CCDC171: variants seen among roughly 807,000 people sequenced by gnomAD.
CCDC171 encodes the protein coiled-coil domain-containing protein 171.
A neutral mutation model predicts 168.2 loss-of-function variants in CCDC171; 177 were observed. The observed-to-expected ratio is 1.05, with a 90% CI of 0.93 to 1.19. The LOEUF is 1.19. Ranked by LOEUF, CCDC171 falls within the 50% of genes most tolerant of loss-of-function variation. The pLI, the probability that CCDC171 is intolerant of heterozygous loss-of-function variation, is 0.00. For synonymous variants in CCDC171, 687 were observed against 540.8 expected, an observed-to-expected ratio of 1.27 and a Z score of -3.75; for missense variants, 1,991 against 1,539.0, an observed-to-expected ratio of 1.29 and a Z score of -4.91.
At chr9:15,637,569 T>G (rs1379497005) in intron 7 of CCDC171, among the ~76,000 whole-genome samples, 1 of 151,366 alleles carries the variant, frequency 6.6e-6, no homozygotes. Flanking sequence ...GCTGCACCCA[T>G]TAACTCGTCA....
chr9:15,602,632 C>CTTTTTTTTTTTTTTTT (rs1050799184), intron 6 of CCDC171, among the ~76,000 whole-genome samples: 2 of 30,996 alleles, frequency 6.5e-5, no homozygotes, highest in African/African-American at 1.9e-4. Context: ...TTTCTCATTT[C>CTTTTTTTTTTTTTTTT]TTTTTTTTTT....
At chr9:16,072,937 A>C in the CCDC171 span, among the ~76,000 whole-genome samples, 2 of 152,230 alleles carry the variant, frequency 1.3e-5, no homozygotes, top group Non-Finnish European at 2.9e-5. Context: ...CTATTTCTTG[A>C]ATAAATTAAT....
intron 19 of CCDC171, among the ~76,000 whole-genome samples, chr9:15,778,371 G>C (rs576298287): frequency 5.7e-5 from 8 of 140,032 alleles, no homozygotes; most frequent in South Asian, 2.3e-4. Context: ...AGGCGCGGTG[G>C]CTGATGCCTG....
intron 16 of CCDC171, among the ~76,000 whole-genome samples, chr9:15,740,710 G>T (rs973073216): frequency 6.6e-6 from 1 of 152,184 alleles, no homozygotes; most frequent in African/African-American, 2.4e-5. Flanking sequence ...AAAGTGCTGG[G>T]ATTACAGGCA....
At chr9:15,765,095 G>A (rs972407353) in intron 18 of CCDC171, among the ~76,000 whole-genome samples, 6 of 152,212 alleles carry the variant, frequency 3.9e-5, no homozygotes, top group African/African-American at 1.4e-4. Flanking sequence ...AGGTGAATAT[G>A]ATGAGAATTG....
intron 25 of CCDC171, among the ~76,000 whole-genome samples, chr9:15,946,823 A>G (rs1011256778): frequency 1.3e-5 from 2 of 152,030 alleles, no homozygotes; most frequent in African/African-American, 4.8e-5. Context: ...TTTGATGGGC[A>G]TTTTTGTACC....
chr9:15,632,341 A>G lies in CCDC171; in HGVS notation c.822+8928A>G, dbSNP rs563053596. On this transcript the variant is annotated intron_variant, in intron 7 of 25. Transcript: ENST00000380701. ...AGCAAAGTCTCAGGATACAAAATCA[A>G]TGTACAAAAATCACAAGCATTCTTA... Among the ~76,000 whole-genome samples, 342 of 152,112 alleles carry G rather than the reference A, an allele frequency of 2.2e-3. 2 individuals are homozygous for G. Among genetic ancestry groups the G allele is most frequent in the African/African-American group, 7.8e-3 (325 of 41,530 alleles).
the CCDC171 span, among the ~76,000 whole-genome samples, chr9:16,102,241 T>C: frequency 6.6e-6 from 1 of 152,116 alleles, no homozygotes; most frequent in Non-Finnish European, 1.5e-5. Flanking sequence ...TCTGTTTTGG[T>C]GTCCGTGTCC....
In CCDC171 at chr9:15,971,637, C is replaced by A; in HGVS notation, c.3782C>A (p.Ser1261Tyr). 6.2e-7 allele frequency: 1 copy of A among 1,613,382 alleles called. No homozygotes were observed. The highest frequency in any genetic ancestry group is 1.1e-5 in the South Asian group (1 of 91,060). Reference sequence around the variant, plus strand: ...GGATCACGAGACCATTCAAATCTCTCCATTCCTTCAAGAGCTCCTCTTCCT... The same window carrying A: ...GGATCACGAGACCATTCAAATCTCTACATTCCTTCAAGAGCTCCTCTTCCT... ...SIGSRDHSNLSIPSRAPLPAD... is the reference protein window; with the variant it reads ...SIGSRDHSNLYIPSRAPLPAD... Residue 1261 changes from serine to tyrosine, a missense_variant, in exon 26 of 26, where the codon TCC becomes TAC. Physicochemically the swap from Ser to Tyr is moderately radical, Grantham distance 144. Transcript: ENST00000380701.
At chr9:16,059,756 C>T (rs998282997) in intron 1 of CCDC171, among the ~76,000 whole-genome samples, 34 of 151,122 alleles carry the variant, frequency 2.2e-4, no homozygotes, top group Non-Finnish European at 1.2e-4. Context: ...CCTCATGATC[C>T]ACCCGCCTCG....
chr9:15,865,348 TAC>T (rs1017007432), intron 23 of CCDC171, among the ~76,000 whole-genome samples: 2 of 150,638 alleles, frequency 1.3e-5, no homozygotes, highest in Non-Finnish European at 3.0e-5. Context: ...TACATATATA[TAC>T]ACACACACAT....
downstream of CCDC171, among the ~76,000 whole-genome samples, chr9:16,063,324 G>T (rs1228123141): frequency 6.6e-6 from 1 of 152,158 alleles, no homozygotes; most frequent in Non-Finnish European, 1.5e-5. Context: ...GGTGGGGACA[G>T]GCTTGCCACG....
intron 10 of CCDC171, among the ~76,000 whole-genome samples, chr9:15,681,767 C>T (rs1039726124): frequency 1.3e-5 from 2 of 151,980 alleles, no homozygotes; most frequent in African/African-American, 4.8e-5. Flanking sequence ...TTTTCTAGTT[C>T]TGCATTCACA....
intron 11 of CCDC171, among the ~76,000 whole-genome samples, chr9:15,701,814 A>C (rs1205184121): frequency 6.6e-6 from 1 of 152,176 alleles, no homozygotes; most frequent in African/African-American, 2.4e-5. Flanking sequence ...GATTGGAATC[A>C]ACTTCTTCCA....
intron 25 of CCDC171, among the ~76,000 whole-genome samples, chr9:15,956,830 A>T (rs1461702897): frequency 6.6e-6 from 1 of 152,072 alleles, no homozygotes; most frequent in Non-Finnish European, 1.5e-5. Context: ...ATGTGCGTCG[A>T]CCTTTCCGCT....
At chr9:15,676,267 C>T (rs549263378) in intron 9 of CCDC171, among the ~76,000 whole-genome samples, 4 of 152,208 alleles carry the variant, frequency 2.6e-5, no homozygotes, top group South Asian at 2.1e-4. Context: ...TCTATTTAGC[C>T]GTTCGCCTGA....
intron 8 of CCDC171, among the ~76,000 whole-genome samples, chr9:15,657,425 A>C (rs1252131664): frequency 6.6e-6 from 1 of 152,186 alleles, no homozygotes; most frequent in Non-Finnish European, 1.5e-5. Context: ...CCTACAGGCC[A>C]GGTCTCACCC....
Position 15,666,232 on chromosome 9 carries a change from T to C in CCDC171, c.985T>C (p.Leu329=), listed in dbSNP as rs769083141. ...CAGTCAAGCAGAAGCTGTTGCTGAT[T>C]TGGAAATTATCAAGAATGAATTCAA... ...KASQAEAVAD[L]EIIKNEFKEV... The change falls in exon 9 of 26, where the codon TTG becomes CTG. Residue 329 remains leucine, a synonymous_variant. Transcript: ENST00000380701. The C allele has an allele frequency of 6.2e-6, 10 of 1,613,872 alleles. No individual in the cohort carries two copies. The highest frequency in any genetic ancestry group is 8.5e-6 in the Non-Finnish European group (10 of 1,179,864).
chr9:15,960,749 A>G (rs537972329), intron 25 of CCDC171, among the ~76,000 whole-genome samples: 2 of 152,316 alleles, frequency 1.3e-5, no homozygotes, highest in South Asian at 2.1e-4. Context: ...CCCAGATCAC[A>G]TGATTTGTCT....
Sources: allele counts gnomAD v4.1 joint callset (sites outside exome capture counted in the v4.1 genomes callset), GRCh38; gene constraint gnomAD v4.1.1; transcripts MANE v1.5; gene names NCBI Gene and HGNC (gene_info 2026-07-23, HGNC 2026-07-21).